The following NEGR1 variants were observed in gnomAD, a reference collection of about 807,000 sequenced individuals.
NEGR1 encodes the protein IgLON family member 4.
Under a neutral mutation model 40.9 loss-of-function variants are expected in NEGR1, and 10 were observed. The observed-to-expected ratio is 0.24, with a 90% CI of 0.15 to 0.42. The LOEUF (loss-of-function observed/expected upper bound fraction) is 0.42. Ranked by LOEUF, NEGR1 falls within the 10% of genes least tolerant of loss-of-function variation. The pLI, the probability that NEGR1 is intolerant of heterozygous loss-of-function variation, is 1.00. For missense variants in NEGR1, 352 were observed against 438.9 expected (o/e 0.80, Z 1.77); for synonymous variants, 185 against 166.8 (o/e 1.11, Z -0.84).
At chr1:71,495,395 T>C (rs1453001411) in intron 6 of NEGR1, among the ~76,000 whole-genome samples, 2 of 151,366 alleles carry the variant, frequency 1.3e-5, no homozygotes, top group African/African-American at 4.9e-5. Flanking sequence ...GGGAATCACT[T>C]GAACCTGGGA....
At chr1:72,167,982 A>T (rs1000830630) in intron 1 of NEGR1, among the ~76,000 whole-genome samples, 1 of 147,210 alleles carries the variant, frequency 6.8e-6, no homozygotes, top group African/African-American at 2.5e-5. Context: ...CATGATTAAT[A>T]AGGTAGTTAT....
intron 6 of NEGR1, among the ~76,000 whole-genome samples, chr1:71,565,509 T>C (rs1648590944): frequency 6.6e-6 from 1 of 152,146 alleles, no homozygotes; most frequent in African/African-American, 2.4e-5. Context: ...TGTTGGTCTC[T>C]CTGCAGAGCA....
chr1:72,004,554 G>T (rs2100388264), intron 1 of NEGR1, among the ~76,000 whole-genome samples: 1 of 152,250 alleles, frequency 6.6e-6, no homozygotes, highest in Admixed American at 6.5e-5. Context: ...AAAGTTCAGG[G>T]ATTATAGGCA....
At chr1:72,234,927 A>G (rs1350020528) in intron 1 of NEGR1, among the ~76,000 whole-genome samples, 1 of 152,150 alleles carries the variant, frequency 6.6e-6, no homozygotes, top group Non-Finnish European at 1.5e-5. Flanking sequence ...TATATACCCA[A>G]AGGAATATAA....
At chr1:71,669,226 C>T (rs897283450) in intron 4 of NEGR1, among the ~76,000 whole-genome samples, 1 of 151,958 alleles carries the variant, frequency 6.6e-6, no homozygotes, top group African/African-American at 2.4e-5. Context: ...GTTTCATGAT[C>T]TATCTCTTTC....
chr1:71,759,596 C>CTGTTTTTTT (rs1655866637), intron 3 of NEGR1, among the ~76,000 whole-genome samples: 1 of 31,950 alleles, frequency 3.1e-5, no homozygotes, highest in Non-Finnish European at 6.3e-5. Context: ...TGCGTCCAGG[C>CTGTTTTTTT]TTTTTTTTTT....
intron 6 of NEGR1, among the ~76,000 whole-genome samples, chr1:71,419,922 A>G (rs1294509601): frequency 6.6e-6 from 1 of 152,026 alleles, no homozygotes; most frequent in Non-Finnish European, 1.5e-5. Context: ...AAGAAAAAAA[A>G]AAAAAGAAAA....
intron 1 of NEGR1, among the ~76,000 whole-genome samples, chr1:72,088,911 G>C (rs76500857): frequency 6.9e-6 from 1 of 145,844 alleles, no homozygotes; most frequent in African/African-American, 2.5e-5. Context: ...CCGGGTTCAA[G>C]TGATTGTCCC....
intron 2 of NEGR1, among the ~76,000 whole-genome samples, chr1:71,808,185 A>T (rs892954397): frequency 6.6e-6 from 1 of 152,190 alleles, no homozygotes; most frequent in African/African-American, 2.4e-5. Flanking sequence ...TAAGAGGGAA[A>T]ATCACTCTGA....
At chr1:72,005,551 T>G (rs1290293170) in intron 1 of NEGR1, among the ~76,000 whole-genome samples, 1 of 152,216 alleles carries the variant, frequency 6.6e-6, no homozygotes, top group Non-Finnish European at 1.5e-5. Context: ...TATCCAGATT[T>G]GTATTTATTT....
chr1:71,625,135 A>AT (rs1292486087), intron 4 of NEGR1, among the ~76,000 whole-genome samples: 4 of 152,050 alleles, frequency 2.6e-5, no homozygotes, highest in Non-Finnish European at 4.4e-5. Context: ...TGAGTAGAAC[A>AT]TTTTTGTAGT....
chr1:71,646,345 T>C (rs1651529840), intron 4 of NEGR1, among the ~76,000 whole-genome samples: 1 of 151,748 alleles, frequency 6.6e-6, no homozygotes. Flanking sequence ...CCTGAACTGG[T>C]GTAATATCTC....
intron 1 of NEGR1, among the ~76,000 whole-genome samples, chr1:71,987,368 G>T (rs1299406204): frequency 6.6e-6 from 1 of 152,174 alleles, no homozygotes; most frequent in African/African-American, 2.4e-5. Flanking sequence ...GAGATAGAGA[G>T]AAGCAACAGC....
At chr1:71,610,967 A>C in intron 5 of NEGR1, 59 bp downstream of exon 5, 1 of 1,558,608 alleles carries the variant, frequency 6.4e-7, no homozygotes. Context: ...TAAGTATCTG[A>C]AACACAAGCA....
At chr1:72,130,232 A>G (rs189206117) in intron 1 of NEGR1, among the ~76,000 whole-genome samples, 96 of 152,288 alleles carry the variant, frequency 6.3e-4, no homozygotes, top group Non-Finnish European at 1.1e-3. Flanking sequence ...GTTTTTAACT[A>G]CAGGCTTGAA....
chr1:71,818,772 A>G (rs1658317695), intron 2 of NEGR1, among the ~76,000 whole-genome samples: 1 of 151,926 alleles, frequency 6.6e-6, no homozygotes, highest in Admixed American at 6.6e-5. Flanking sequence ...TTAACAATAA[A>G]AGCTCCAGCA....
chr1:72,071,157 A>T (rs1257926992), intron 1 of NEGR1, among the ~76,000 whole-genome samples: 2 of 152,084 alleles, frequency 1.3e-5, no homozygotes, highest in Admixed American at 6.6e-5. Context: ...ATCCAAATGG[A>T]ACTGCTAGAA....
At chr1:72,261,325 C>G (rs570788295) in intron 1 of NEGR1, among the ~76,000 whole-genome samples, 14 of 152,112 alleles carry the variant, frequency 9.2e-5, no homozygotes, top group African/African-American at 3.4e-4. Flanking sequence ...ATTTTCAATT[C>G]TGTCACATTT....
At position 71,594,787 on chromosome 1, in the gene NEGR1, A is replaced by T. The variant is rs956961612; in HGVS notation, c.789-1819T>A. Among the ~76,000 whole-genome samples, 4 of 152,180 alleles carry T rather than the reference A, an allele frequency of 2.6e-5. No individual in the cohort carries two copies. In the East Asian group the frequency reaches 7.7e-4, roughly 29 times the overall value. On this transcript the variant is annotated intron_variant, in intron 5 of 6. Transcript: ENST00000357731. ...AATCCGTATATATGCTGTGTAAAAAACCAGTTTCATTGCCTTGCAAGTTTC... is the reference window on the plus strand; with the variant it reads ...AATCCGTATATATGCTGTGTAAAAATCCAGTTTCATTGCCTTGCAAGTTTC...
Sources: allele counts gnomAD v4.1 joint callset (sites outside exome capture counted in the v4.1 genomes callset), GRCh38; gene constraint gnomAD v4.1.1; transcripts MANE v1.5; gene names NCBI Gene and HGNC (gene_info 2026-07-23, HGNC 2026-07-21).